CMAS: variants seen among roughly 807,000 people sequenced by gnomAD.
CMAS encodes the protein cytidine monophosphate N-acetylneuraminic acid synthetase.
CMAS carries 21 observed loss-of-function variants against 53.4 expected under a neutral mutation model. The observed-to-expected ratio is 0.39, with a 90% CI of 0.28 to 0.57. The LOEUF is 0.57. Among genes scored for constraint, CMAS ranks in the 20% least tolerant of loss-of-function variants. The pLI, the probability that CMAS is intolerant of heterozygous loss-of-function variation, is 0.56. For synonymous variants in CMAS, 189 were observed against 195.2 expected, an observed-to-expected ratio of 0.97 and a Z score of 0.27; for missense variants, 384 against 534.9, an observed-to-expected ratio of 0.72 and a Z score of 2.78.
At position 22,058,679 on chromosome 12, in the gene CMAS, G is replaced by C. The variant is rs775208513; in HGVS notation, c.672G>C (p.Leu224Phe). The change falls in exon 4 of 8, where the codon TTG (leucine) becomes TTC (phenylalanine). Residue 224 changes from leucine to phenylalanine, a missense_variant. Physicochemically the swap from Leu to Phe is conservative, Grantham distance 22. Coordinates refer to ENST00000229329, the MANE Select transcript of CMAS (RefSeq NM_018686.6). Reference sequence around the variant, plus strand: ...CATTTTATTTTGCTAAAAGACATTTGATAGAGATGGGTTACTTGCAGGTTT... The same window carrying C: ...CATTTTATTTTGCTAAAAGACATTTCATAGAGATGGGTTACTTGCAGGTTT... The part of the protein sequence containing the change: ...NGSFYFAKRH[L>F]IEMGYLQGGK... The C allele has an allele frequency of 7.4e-6, 12 of 1,613,518 alleles. No individual in the cohort carries two copies. Among genetic ancestry groups the C allele is most frequent in the Non-Finnish European group, 1.0e-5 (12 of 1,179,712 alleles).
At position 22,062,286 on chromosome 12, in the gene CMAS, G is replaced by A. The variant is rs1349170125; in HGVS notation, c.966G>A (p.Arg322=). ...TTTTTTTTTTTTTTTTTAAGGTGAG[G>A]CTAATCTCAGAAAGGGCCTGTTCAA... ...SLLKKSGIEV[R]LISERACSKQ... is the part of the protein sequence containing the mutation. The change falls in exon 7 of 8, where the codon AGG becomes AGA. Residue 322 remains arginine, a synonymous_variant. Coordinates refer to ENST00000229329, the MANE Select transcript of CMAS (RefSeq NM_018686.6). The A allele has an allele frequency of 1.3e-6, 2 of 1,563,734 alleles. No homozygotes were observed. The highest frequency in any genetic ancestry group is 2.3e-5 in the East Asian group (1 of 43,754).
intron 3 of CMAS, 109 bp from the exon 4 acceptor site, chr12:22,058,458 A>G: frequency 1.0e-6 from 1 of 963,984 alleles, no homozygotes; most frequent in Non-Finnish European, 1.5e-6. Context: ...TTATCTAGAT[A>G]AAGAAATGCT....
rs190395352 is a variant in CMAS, at chr12:22,046,845, A to G, written c.260+282A>G. Among the ~76,000 whole-genome samples, 59 of 152,300 alleles carry G rather than the reference A, an allele frequency of 3.9e-4. 1 individual carries two copies. In the East Asian group the frequency reaches 0.01, roughly 27 times the overall value. ...TAAAAGGGGAGATTACACCTCCCCA[A>G]CCGTCCCCTCCTCCCGGGTTGACCT... On this transcript the variant is annotated intron_variant, in intron 1 of 7. Transcript: ENST00000229329.
chr12:22,049,418 A>T (rs1306492050), intron 1 of CMAS, among the ~76,000 whole-genome samples: 1 of 152,218 alleles, frequency 6.6e-6, no homozygotes, highest in Admixed American at 6.5e-5. Context: ...ATGTATATAT[A>T]TTGACCAATG....
At chr12:22,056,950 G>C (rs1241776082) in intron 3 of CMAS, among the ~76,000 whole-genome samples, 1 of 151,936 alleles carries the variant, frequency 6.6e-6, no homozygotes, top group Non-Finnish European at 1.5e-5. Context: ...TATCTAGTTG[G>C]TTTATTACCT....
intron 4 of CMAS, among the ~76,000 whole-genome samples, chr12:22,059,381 TTA>T (rs776275905): frequency 1.7e-4 from 26 of 152,190 alleles, no homozygotes; most frequent in Non-Finnish European, 2.9e-4. Flanking sequence ...TTTGCATATG[TTA>T]TCTTATGTAA....
chr12:22,055,706 G>A, intron 3 of CMAS, 96 bp downstream of exon 3: 2 of 1,010,164 alleles, frequency 2.0e-6, no homozygotes, highest in Non-Finnish European at 2.9e-6. Context: ...TAAAAGGGGA[G>A]CTGTAAAAGA....
chr12:22,060,412 TGAGGCCTCAA>T (rs993602105), intron 4 of CMAS, among the ~76,000 whole-genome samples: 1 of 141,808 alleles, frequency 7.1e-6, no homozygotes, highest in Non-Finnish European at 1.5e-5. Context: ...GAGGCCAGCT[TGAGGCCTCAA>T]GAGGATAGCT....
rs200348023 is a variant in CMAS, at chr12:22,062,251, C to T, written c.961-30C>T. ...TTCACTTTTTAATTTTTCCCTTCTT[C>T]CTCCAATCCTTTTTTTTTTTTTTTT... On this transcript the variant is annotated intron_variant, in intron 6 of 7. Transcript: ENST00000229329. 16 of 1,524,458 alleles carry T rather than the reference C, an allele frequency of 1.0e-5. No individual in the cohort carries two copies. In the East Asian group the frequency reaches 3.5e-4, roughly 33 times the overall value. 94.4% of individuals were successfully genotyped at this position (1,524,458 alleles called of 1,614,324 possible).
intron 5 of CMAS, 61 bp downstream of exon 5, chr12:22,060,987 A>C: frequency 9.6e-7 from 1 of 1,037,372 alleles, no homozygotes; most frequent in Non-Finnish European, 1.5e-6. Flanking sequence ...ATTTCTAGAT[A>C]CTGATTTCTG....
At chr12:22,060,138 G>A (rs1950298310) in intron 4 of CMAS, among the ~76,000 whole-genome samples, 1 of 151,764 alleles carries the variant, frequency 6.6e-6, no homozygotes, top group Admixed American at 6.6e-5. Context: ...GATGATGACA[G>A]GAGAGACTTC....
At chr12:22,049,408 A>T (rs1950226031) in intron 1 of CMAS, among the ~76,000 whole-genome samples, 1 of 152,196 alleles carries the variant, frequency 6.6e-6, no homozygotes, top group Non-Finnish European at 1.5e-5. Context: ...ATTGGAAAAT[A>T]TGTATATATA....
chr12:22,053,564 A>G (rs1401955039), intron 1 of CMAS, among the ~76,000 whole-genome samples: 1 of 151,246 alleles, frequency 6.6e-6, no homozygotes, highest in East Asian at 2.0e-4. Flanking sequence ...TCATTAAGAT[A>G]TCTTTGCATA....
In CMAS at chr12:22,050,419, T is replaced by C. The variant is rs566156020; in HGVS notation, c.260+3856T>C. Among the ~76,000 whole-genome samples the C allele has an allele frequency of 1.8e-3, 268 of 152,372 alleles. 1 individual carries two copies. Among genetic ancestry groups the C allele is most frequent in the African/African-American group, 6.0e-3 (248 of 41,598 alleles). On this transcript the variant is annotated intron_variant, in intron 1 of 7. Coordinates refer to ENST00000229329, the MANE Select transcript of CMAS (RefSeq NM_018686.6). ...CTGGCACATAGTATGTAATCTGTTA[T>C]TGACATTTTCCTCTTGTTTAGAAGG...
intron 6 of CMAS, among the ~76,000 whole-genome samples, chr12:22,061,888 AT>A (rs947632653): frequency 3.0e-4 from 46 of 152,296 alleles, no homozygotes; most frequent in African/African-American, 1.1e-3. Context: ...GATAATTATA[AT>A]TTACCAGAAA....
intron 3 of CMAS, among the ~76,000 whole-genome samples, chr12:22,056,733 C>G (rs1950270825): frequency 6.6e-6 from 1 of 152,126 alleles, no homozygotes; most frequent in Admixed American, 6.5e-5. Flanking sequence ...TTTGTGGTTC[C>G]TACAGATGAC....
rs959894100 is a variant in CMAS at position 22,058,641 on chromosome 12, T to C, written c.634T>C (p.Tyr212His). ...PRRQDWDGELYENGSFYFAKR... is the reference protein window; with the variant it reads ...PRRQDWDGELHENGSFYFAKR... Reference sequence around the variant, plus strand: ...TCGACAAGACTGGGATGGAGAATTATATGAAAATGGCTCATTTTATTTTGC... The same window carrying C: ...TCGACAAGACTGGGATGGAGAATTACATGAAAATGGCTCATTTTATTTTGC... Residue 212 changes from tyrosine to histidine, a missense_variant, in exon 4 of 8, where the codon TAT (tyrosine) becomes CAT (histidine). Coordinates refer to ENST00000229329, the MANE Select transcript of CMAS (RefSeq NM_018686.6). 2.5e-6 allele frequency: 4 copies of C among 1,613,750 alleles called. No individual in the cohort carries two copies. Among genetic ancestry groups the C allele is most frequent in the African/African-American group, 1.3e-5 (1 of 74,918 alleles).
At chr12:22,057,281 G>A (rs1318055225) in intron 3 of CMAS, among the ~76,000 whole-genome samples, 1 of 140,150 alleles carries the variant, frequency 7.1e-6, no homozygotes, top group Middle Eastern at 4.0e-3. Flanking sequence ...ACACAGATTT[G>A]AGGAAAACTC....
chr12:22,061,981 G>C (rs950448965), intron 6 of CMAS, among the ~76,000 whole-genome samples: 1 of 152,138 alleles, frequency 6.6e-6, no homozygotes, highest in African/African-American at 2.4e-5. Flanking sequence ...GAGAATCTTA[G>C]AGTAGTATCA....
Sources: allele counts gnomAD v4.1 joint callset (sites outside exome capture counted in the v4.1 genomes callset), GRCh38; gene constraint gnomAD v4.1.1; transcripts MANE v1.5; gene names NCBI Gene and HGNC (gene_info 2026-07-23, HGNC 2026-07-21).